The following LARGE1 variants were observed in gnomAD, a reference collection of about 807,000 sequenced individuals.
LARGE1 encodes the protein LARGE xylosyl- and glucuronyltransferase 1.
LARGE1 carries 43 observed loss-of-function variants against 87.6 expected under a neutral mutation model. The ratio of observed to expected loss-of-function variants is 0.49; its 90% CI spans 0.38 to 0.63. The LOEUF is 0.63. LARGE1 is among the 30% of genes least tolerant of loss of function. LARGE1 has a pLI of 0.00. For missense variants in LARGE1, 802 were observed against 1,000.2 expected (o/e 0.80, Z 2.67); for synonymous variants, 434 against 394.6 (o/e 1.10, Z -1.18).
At chr22:33,288,335 C>T (rs1483709928) in intron 12 of LARGE1, among the ~76,000 whole-genome samples, 1 of 152,154 alleles carries the variant, frequency 6.6e-6, no homozygotes, top group African/African-American at 2.4e-5. Flanking sequence ...CGGAATACTG[C>T]CTTAGGACAG....
chr22:33,669,721 C>T (rs956284313), intron 2 of LARGE1, among the ~76,000 whole-genome samples: 1 of 152,216 alleles, frequency 6.6e-6, no homozygotes, highest in Non-Finnish European at 1.5e-5. Flanking sequence ...GATTAAATTA[C>T]TGCAGCACAT....
At chr22:33,253,306 C>A (rs960730551) in intron 11 of LARGE1, among the ~76,000 whole-genome samples, 8 of 152,174 alleles carry the variant, frequency 5.3e-5, no homozygotes, top group Admixed American at 5.2e-4. Context: ...TTTTATTACC[C>A]TTGTTTTTCC....
chr22:33,496,284 C>T (rs2070114313), intron 6 of LARGE1, among the ~76,000 whole-genome samples: 1 of 152,164 alleles, frequency 6.6e-6, no homozygotes, highest in Non-Finnish European at 1.5e-5. Context: ...AAATGTTAAT[C>T]TCCTTTGGCA....
intron 5 of LARGE1, 111 bp downstream of exon 5, chr22:33,604,324 C>T: frequency 2.8e-6 from 4 of 1,419,544 alleles, no homozygotes; most frequent in Non-Finnish European, 4.0e-6. Flanking sequence ...ACGCCCTACA[C>T]ATTTTCAGTT....
At chr22:33,158,208 T>C (rs1921925924), downstream of LARGE1, among the ~76,000 whole-genome samples, 4 of 152,186 alleles carry the variant, frequency 2.6e-5, no homozygotes, top group Admixed American at 2.6e-4. Context: ...AATTATACTG[T>C]GCTGAGTTGA....
chr22:33,285,624 A>AAAACAAACAAAC (rs57414667), intron 12 of LARGE1, among the ~76,000 whole-genome samples: 357 of 151,632 alleles, frequency 2.4e-3, no homozygotes, highest in African/African-American at 8.6e-3. Context: ...ACCCTGTCAC[A>AAAACAAACAAAC]AAACAAACAA....
intron 6 of LARGE1, among the ~76,000 whole-genome samples, chr22:33,479,942 A>G (rs1250855397): frequency 1.3e-5 from 2 of 152,042 alleles, no homozygotes; most frequent in Admixed American, 6.6e-5. Flanking sequence ...ATGGGGTTTC[A>G]CCATGTTGGC....
At chr22:33,825,999 T>C (rs1289430339) in intron 1 of LARGE1, among the ~76,000 whole-genome samples, 1 of 152,162 alleles carries the variant, frequency 6.6e-6, no homozygotes, top group African/African-American at 2.4e-5. Flanking sequence ...GGAACCTCAA[T>C]GCCAAGGACA....
At chr22:33,894,107 C>G (rs2065073079) in intron 1 of LARGE1, among the ~76,000 whole-genome samples, 3 of 151,984 alleles carry the variant, frequency 2.0e-5, no homozygotes, top group African/African-American at 4.8e-5. Context: ...CTCAGGGTCA[C>G]CCTCTAGATG....
intron 6 of LARGE1, among the ~76,000 whole-genome samples, chr22:33,511,150 A>C (rs1398466095): frequency 6.6e-6 from 1 of 152,160 alleles, no homozygotes; most frequent in Non-Finnish European, 1.5e-5. Context: ...AGATGTTTCC[A>C]CATGTGGCAG....
chr22:33,803,955 A>G (rs2086237777), intron 1 of LARGE1, among the ~76,000 whole-genome samples: 1 of 152,252 alleles, frequency 6.6e-6, no homozygotes, highest in African/African-American at 2.4e-5. Context: ...CCAAGTCCCC[A>G]GATGCCAGCC....
intron 6 of LARGE1, among the ~76,000 whole-genome samples, chr22:33,471,493 C>A (rs9621706): frequency 0.035 from 5,311 of 152,250 alleles, 288 homozygotes; most frequent in African/African-American, 0.11. Context: ...TGGCTCTTCA[C>A]TAATTTCTTA....
intron 7 of LARGE1, among the ~76,000 whole-genome samples, chr22:33,390,691 T>G (rs1473113646): frequency 3.9e-4 from 20 of 51,814 alleles, no homozygotes; most frequent in African/African-American, 1.1e-3. Flanking sequence ...TGTTGTGTGT[T>G]TTTTTTTTTT....
At chr22:33,232,200 C>G (rs182558598) in intron 11 of LARGE1, among the ~76,000 whole-genome samples, 1 of 152,330 alleles carries the variant, frequency 6.6e-6, no homozygotes, top group East Asian at 1.9e-4. Context: ...TTTCTCTCAG[C>G]CTGCAAAACA....
chr22:33,791,103 T>C (rs2085808089), intron 1 of LARGE1, among the ~76,000 whole-genome samples: 1 of 152,182 alleles, frequency 6.6e-6, no homozygotes, highest in South Asian at 2.1e-4. Flanking sequence ...GCCTTCTAAA[T>C]GAAGAATGAA....
At chr22:33,203,482 A>G (rs1924517358) in intron 11 of LARGE1, among the ~76,000 whole-genome samples, 1 of 152,140 alleles carries the variant, frequency 6.6e-6, no homozygotes, top group Non-Finnish European at 1.5e-5. Context: ...CATAGTGCTT[A>G]GTCGATTCCC....
chr22:33,632,226 G>A (rs781300596), intron 3 of LARGE1, among the ~76,000 whole-genome samples: 5 of 152,290 alleles, frequency 3.3e-5, no homozygotes, highest in South Asian at 2.1e-4. Flanking sequence ...AGGTTCAAGC[G>A]ATTCTCTTGC....
intron 10 of LARGE1, among the ~76,000 whole-genome samples, chr22:33,317,995 G>A (rs1011147917): frequency 3.3e-5 from 5 of 151,818 alleles, no homozygotes; most frequent in Non-Finnish European, 7.4e-5. Flanking sequence ...CCAGCACTTT[G>A]GGAGGCTGAG....
chr22:33,220,319 T>G (rs1925398668), intron 11 of LARGE1, among the ~76,000 whole-genome samples: 1 of 152,160 alleles, frequency 6.6e-6, no homozygotes, highest in Non-Finnish European at 1.5e-5. Context: ...TAAAACAATA[T>G]ATGTTTGCTG....
Sources: allele counts gnomAD v4.1 joint callset (sites outside exome capture counted in the v4.1 genomes callset), GRCh38; gene constraint gnomAD v4.1.1; transcripts MANE v1.5; gene names NCBI Gene and HGNC (gene_info 2026-07-23, HGNC 2026-07-21).